The following CCSER1 variants were observed in gnomAD, a reference collection of about 807,000 sequenced individuals.
CCSER1 encodes the protein serine-rich coiled-coil domain-containing protein 1.
In CCSER1, 41 loss-of-function variants were observed where a neutral mutation model predicts 82.0. That is an observed-to-expected ratio of 0.50 (90% CI 0.39 to 0.65). The LOEUF is 0.65. CCSER1 is among the 30% of genes least tolerant of loss of function. The pLI is 0.00. For synonymous variants in CCSER1, 414 were observed against 383.9 expected (o/e 1.08, Z -0.92); for missense variants, 1,119 against 1,064.2 (o/e 1.05, Z -0.72).
chr4:90,989,119 G>A (rs1409658216), intron 9 of CCSER1, among the ~76,000 whole-genome samples: 1 of 151,774 alleles, frequency 6.6e-6, no homozygotes, highest in African/African-American at 2.4e-5. Context: ...TTTTGAGGCA[G>A]ATCCTGAAAT....
At chr4:91,360,951 A>T (rs910342740) in intron 10 of CCSER1, among the ~76,000 whole-genome samples, 2 of 151,868 alleles carry the variant, frequency 1.3e-5, no homozygotes, top group African/African-American at 2.4e-5. Context: ...CAGTGTAGTT[A>T]TGTGAACTCC....
At chr4:91,525,829 C>T (rs1760739247) in intron 10 of CCSER1, among the ~76,000 whole-genome samples, 1 of 152,156 alleles carries the variant, frequency 6.6e-6, no homozygotes, top group Admixed American at 6.6e-5. Flanking sequence ...TAAGCCCCAC[C>T]CTGCCAACCA....
At chr4:91,485,242 A>G (rs956359718) in intron 10 of CCSER1, among the ~76,000 whole-genome samples, 2 of 152,138 alleles carry the variant, frequency 1.3e-5, no homozygotes, top group African/African-American at 4.8e-5. Flanking sequence ...ATTTTCACAA[A>G]TATGTTATTA....
intron 6 of CCSER1, among the ~76,000 whole-genome samples, chr4:90,689,749 G>A (rs1735476172): frequency 6.6e-6 from 1 of 152,126 alleles, no homozygotes. Flanking sequence ...CCAGGCCAAT[G>A]GAGAGAATTC....
chr4:90,974,702 TA>T (rs1454153794), intron 9 of CCSER1, among the ~76,000 whole-genome samples: 1 of 151,198 alleles, frequency 6.6e-6, no homozygotes, highest in African/African-American at 2.4e-5. Context: ...ATAATAATAA[TA>T]AAAAAAGATA....
chr4:91,573,599 C>T (rs993598042), intron 10 of CCSER1, among the ~76,000 whole-genome samples: 2 of 152,204 alleles, frequency 1.3e-5, no homozygotes, highest in African/African-American at 4.8e-5. Context: ...CCAATTCACA[C>T]ATTCACTCAG....
intron 10 of CCSER1, among the ~76,000 whole-genome samples, chr4:91,176,507 T>C (rs1581712085): frequency 6.6e-6 from 1 of 152,168 alleles, no homozygotes; most frequent in Admixed American, 6.5e-5. Context: ...CATTGAGCAG[T>C]GGTTTGTAAT....
chr4:90,532,654 A>G (rs974745862), intron 5 of CCSER1, among the ~76,000 whole-genome samples: 2 of 152,070 alleles, frequency 1.3e-5, no homozygotes, highest in Non-Finnish European at 1.5e-5. Flanking sequence ...AGGTTTCTAG[A>G]TATGTTATTC....
intron 1 of CCSER1, among the ~76,000 whole-genome samples, chr4:90,162,607 T>G (rs1449237685): frequency 6.6e-6 from 1 of 151,990 alleles, no homozygotes; most frequent in African/African-American, 2.4e-5. Flanking sequence ...AAAAAAAAAG[T>G]TAAGACATCA....
intron 10 of CCSER1, among the ~76,000 whole-genome samples, chr4:91,346,363 G>A (rs1362483658): frequency 6.6e-6 from 1 of 152,076 alleles, no homozygotes; most frequent in Non-Finnish European, 1.5e-5. Context: ...ATATACCACA[G>A]TTTGTTTATT....
At chr4:91,586,335 T>C (rs1763991421) in intron 10 of CCSER1, among the ~76,000 whole-genome samples, 1 of 151,516 alleles carries the variant, frequency 6.6e-6, no homozygotes, top group Admixed American at 6.6e-5. Context: ...TCACATGAAG[T>C]TGGTATGTTT....
At chr4:90,434,748 G>C (rs1342246703) in intron 4 of CCSER1, among the ~76,000 whole-genome samples, 1 of 152,268 alleles carries the variant, frequency 6.6e-6, no homozygotes, top group East Asian at 1.9e-4. Context: ...CAATACTAGA[G>C]AGTTTTTGCT....
At chr4:90,863,873 C>T (rs887671611) in intron 8 of CCSER1, among the ~76,000 whole-genome samples, 1 of 151,730 alleles carries the variant, frequency 6.6e-6, no homozygotes, top group Non-Finnish European at 1.5e-5. Flanking sequence ...AACAAAAGCC[C>T]TTTAGCGCTT....
chr4:90,700,717 A>T (rs62314430), intron 6 of CCSER1, among the ~76,000 whole-genome samples: 23,229 of 152,026 alleles, frequency 0.15, 1,988 homozygotes, highest in Non-Finnish European at 0.19. Flanking sequence ...TGTGATTTTG[A>T]TTTGCATTTC....
chr4:90,870,463 C>T (rs1561279808), intron 8 of CCSER1, among the ~76,000 whole-genome samples: 1 of 151,376 alleles, frequency 6.6e-6, no homozygotes, highest in East Asian at 1.9e-4. Flanking sequence ...ACGATTTTGT[C>T]CTTCATTTTG....
chr4:90,598,536 G>T (rs1388556100), intron 5 of CCSER1, among the ~76,000 whole-genome samples: 2 of 152,112 alleles, frequency 1.3e-5, no homozygotes, highest in East Asian at 3.9e-4. Context: ...CTTCACAGTG[G>T]TTATTTGTAT....
intron 3 of CCSER1, among the ~76,000 whole-genome samples, chr4:90,375,010 C>T (rs56847631): frequency 0.18 from 26,972 of 152,076 alleles, 3,062 homozygotes; most frequent in East Asian, 0.5. Flanking sequence ...CACTCTACTC[C>T]CTTCACTTCC....
intron 9 of CCSER1, among the ~76,000 whole-genome samples, chr4:91,006,261 T>G (rs9992741): frequency 0.056 from 8,563 of 152,122 alleles, 269 homozygotes; most frequent in South Asian, 0.091. Context: ...GGCGATATTT[T>G]TTTTTGTAGC....
intron 10 of CCSER1, among the ~76,000 whole-genome samples, chr4:91,569,917 G>A (rs80131116): frequency 0.069 from 10,473 of 152,172 alleles, 395 homozygotes; most frequent in Middle Eastern, 0.099. Flanking sequence ...GACAAGGAAA[G>A]TCCCTTCTGT....
Sources: allele counts gnomAD v4.1 joint callset (sites outside exome capture counted in the v4.1 genomes callset), GRCh38; gene constraint gnomAD v4.1.1; transcripts MANE v1.5; gene names NCBI Gene and HGNC (gene_info 2026-07-23, HGNC 2026-07-21).